The following RAE1 variants were observed in gnomAD, a reference collection of about 807,000 sequenced individuals.
RAE1 encodes ribonucleic acid export 1.
In RAE1, 13 loss-of-function variants were observed where a neutral mutation model predicts 52.7. That is an observed-to-expected ratio of 0.25 (90% CI 0.16 to 0.39). The LOEUF (loss-of-function observed/expected upper bound fraction) is 0.39, where lower values mean the gene tolerates loss of function less well. Among genes scored for constraint, RAE1 ranks in the 10% least tolerant of loss-of-function variants. The pLI is 1.00. For missense variants in RAE1, 262 were observed against 459.8 expected (o/e 0.57, Z 3.93); for synonymous variants, 164 against 153.1 (o/e 1.07, Z -0.52).
chr20:57,356,219 T>C (rs2066784113), intron 3 of RAE1, among the ~76,000 whole-genome samples: 1 of 152,242 alleles, frequency 6.6e-6, no homozygotes, highest in African/African-American at 2.4e-5. Flanking sequence ...GAGAAAATTA[T>C]CTGCAATTTT....
chr20:57,377,618 T>C (rs745366923), intron 11 of RAE1, among the ~76,000 whole-genome samples: 4 of 152,202 alleles, frequency 2.6e-5, no homozygotes, highest in Admixed American at 6.5e-5. Flanking sequence ...GTGTCCTCCT[T>C]CATCCCCATG....
chr20:57,362,504 G>T (rs924974684), intron 4 of RAE1, among the ~76,000 whole-genome samples: 23 of 152,230 alleles, frequency 1.5e-4, no homozygotes, highest in African/African-American at 4.8e-4. Context: ...CGGGCAACGG[G>T]TCAGAATTAG....
intron 1 of RAE1, among the ~76,000 whole-genome samples, chr20:57,352,498 A>C (rs568311922): frequency 2.6e-4 from 39 of 152,346 alleles, no homozygotes; most frequent in African/African-American, 8.9e-4. Context: ...TGGGTCCCAC[A>C]GATGACTGTG....
At chr20:57,361,110 GAA>G in intron 4 of RAE1, among the ~76,000 whole-genome samples, 1 of 151,226 alleles carries the variant, frequency 6.6e-6, no homozygotes, top group East Asian at 1.9e-4. Context: ...AAGAAAGAAA[GAA>G]AGAAATAGAA....
intron 5 of RAE1, among the ~76,000 whole-genome samples, chr20:57,365,846 GC>G (rs2066947653): frequency 6.6e-6 from 1 of 152,206 alleles, no homozygotes; most frequent in Non-Finnish European, 1.5e-5. Flanking sequence ...CAGTAATAGA[GC>G]AGCGAGTAAG....
chr20:57,373,297 A>T, intron 8 of RAE1, 178 bp from the exon 9 acceptor site: 1 of 625,882 alleles, frequency 1.6e-6, no homozygotes, highest in Non-Finnish European at 2.8e-6. Context: ...TCATAAACTC[A>T]CTGCTTAGAT....
At chr20:57,359,012 A>G (rs1165686237) in intron 4 of RAE1, 11 of 1,524,150 alleles carry the variant, frequency 7.2e-6, no homozygotes, top group Non-Finnish European at 9.6e-6. Flanking sequence ...GTTGAAAGTA[A>G]GAGACAGCTG....
At chr20:57,352,080 G>C in intron 1 of RAE1, 1 of 724,154 alleles carries the variant, frequency 1.4e-6, no homozygotes, top group Non-Finnish European at 1.7e-6. Flanking sequence ...GGGATGTGAT[G>C]GAAGATTAGA....
chr20:57,373,271 AG>A (rs1383245509), intron 8 of RAE1: 6 of 584,596 alleles, frequency 1.0e-5, no homozygotes, highest in Non-Finnish European at 1.8e-5. Context: ...GGAGGAGCAC[AG>A]GGTGTGCAGT....
intron 4 of RAE1, among the ~76,000 whole-genome samples, chr20:57,364,720 C>G (rs2066931541): frequency 6.6e-6 from 1 of 152,166 alleles, no homozygotes; most frequent in Admixed American, 6.5e-5. Context: ...CAGAGAAGAC[C>G]TACTTTGAGT....
intron 4 of RAE1, among the ~76,000 whole-genome samples, chr20:57,365,074 G>A (rs912318694): frequency 1.8e-4 from 28 of 152,068 alleles, no homozygotes; most frequent in Admixed American, 3.3e-4. Flanking sequence ...AGGAGACCTG[G>A]GATCAGGGAC....
At chr20:57,373,612 C>A (rs997805803) in intron 9 of RAE1, 31 bp downstream of exon 9, 1 of 1,613,108 alleles carries the variant, frequency 6.2e-7, no homozygotes, top group African/African-American at 1.3e-5. Flanking sequence ...TTGCAGATTT[C>A]ACTGGACTTT....
At chr20:57,355,029 G>A (rs1568777656) in intron 3 of RAE1, among the ~76,000 whole-genome samples, 1 of 152,154 alleles carries the variant, frequency 6.6e-6, no homozygotes, top group Non-Finnish European at 1.5e-5. Flanking sequence ...TGTGTTGCTC[G>A]AAATTTTCTA....
chr20:57,355,576 T>C (rs2066773527), intron 3 of RAE1, among the ~76,000 whole-genome samples: 1 of 152,208 alleles, frequency 6.6e-6, no homozygotes, highest in African/African-American at 2.4e-5. Context: ...GAGTAGGAAA[T>C]CTGATAATGT....
rs1475536308 is a variant in RAE1, at chr20:57,366,898, A to C, written c.462+5A>C. 1.2e-6 allele frequency: 2 copies of C among 1,606,826 alleles called. No homozygotes were observed. The highest frequency in any genetic ancestry group is 1.7e-6 in the Non-Finnish European group (2 of 1,173,494). ...AGCTGGGATAAGACTTTAAAGGTATAATGTGCAGTTGAGGCATTGTTTGGC... is the reference window on the plus strand; with the variant it reads ...AGCTGGGATAAGACTTTAAAGGTATCATGTGCAGTTGAGGCATTGTTTGGC... On this transcript the variant is annotated splice_donor_5th_base_variant and intron_variant, in intron 6 of 11. Coordinates refer to ENST00000395841, the MANE Select transcript of RAE1 (RefSeq NM_003610.4).
In RAE1 at chr20:57,366,889, T is replaced by C; in HGVS notation, c.458T>C (p.Leu153Ser). ...ATGACTGGGAGCTGGGATAAGACTT[T>C]AAAGGTATAATGTGCAGTTGAGGCA... ...CVMTGSWDKT[L>S]KFWDTRSSNP... The change falls in exon 6 of 12, where the codon TTA becomes TCA. Residue 153 changes from leucine (L) to serine (S), a missense_variant. Physicochemically the swap from Leu to Ser is moderately radical, Grantham distance 145 (BLOSUM62 -2). Transcript: ENST00000395841. 1 of 1,610,186 alleles carries C rather than the reference T, an allele frequency of 6.2e-7. No homozygotes were observed. The highest frequency in any genetic ancestry group is 8.5e-7 in the Non-Finnish European group (1 of 1,176,424).
chr20:57,361,753 T>A (rs2066895245), intron 4 of RAE1, among the ~76,000 whole-genome samples: 1 of 152,172 alleles, frequency 6.6e-6, no homozygotes, highest in Non-Finnish European at 1.5e-5. Context: ...GACTGGCTAA[T>A]AGGGTGGTAG....
intron 4 of RAE1, chr20:57,358,866 T>G (rs1173191732): frequency 2.9e-6 from 3 of 1,017,134 alleles, no homozygotes; most frequent in Non-Finnish European, 2.6e-6. Flanking sequence ...CAACCAAAAT[T>G]TTTAATGCAG....
chr20:57,354,267 A>C, intron 2 of RAE1, 139 bp downstream of exon 2: 1 of 687,144 alleles, frequency 1.5e-6, no homozygotes, highest in South Asian at 2.0e-5. Flanking sequence ...TTTCTGAAAC[A>C]CTGGAGCACA....
Sources: gnomAD v4.1 joint callset for allele counts (sites outside exome capture counted in the v4.1 genomes callset) on GRCh38, gnomAD v4.1.1 for gene constraint, MANE v1.5 for transcripts, NCBI Gene and HGNC (gene_info 2026-07-23, HGNC 2026-07-21) for gene names.